GNAZ: variants seen among roughly 807,000 people sequenced by gnomAD.
The protein encoded by GNAZ is G protein subunit alpha z.
Under a neutral mutation model 25.4 loss-of-function variants are expected in GNAZ, and 3 were observed. The ratio of observed to expected loss-of-function variants is 0.12; its 90% confidence interval spans 0.05 to 0.30. The LOEUF (loss-of-function observed/expected upper bound fraction) is 0.30. Ranked by LOEUF, GNAZ falls within the 10% of genes least tolerant of loss-of-function variation. GNAZ has a pLI of 1.00. For missense variants in GNAZ, 241 were observed against 501.8 expected (o/e 0.48, Z 4.97); for synonymous variants, 211 against 205.7 (o/e 1.03, Z -0.22).
rs371867355 is a variant in GNAZ at position 23,075,173 on chromosome 22, ACCTG to A, written c.-450+4609_-450+4612del. On this transcript the variant is annotated intron_variant, in intron 1 of 2. Transcript: ENST00000615612. ...GGAAGGCCTGGAGGGTGGGCCCGCA[ACCTG>A]CCTGCTGCCCAGTCCCCACAGCATT... Among the ~76,000 whole-genome samples the A allele has an allele frequency of 1.1e-4, 16 of 152,174 alleles. No homozygotes were observed. In the East Asian group the frequency reaches 1.9e-3, roughly 18 times the overall value.
At chr22:23,072,295 G>A (rs1305761107) in intron 1 of GNAZ, among the ~76,000 whole-genome samples, 1 of 152,124 alleles carries the variant, frequency 6.6e-6, no homozygotes, top group African/African-American at 2.4e-5. Flanking sequence ...ATCCATCTAC[G>A]GGGTGCAGTG....
chr22:23,104,285 G>A (rs2069394654), intron 2 of GNAZ, among the ~76,000 whole-genome samples: 1 of 152,196 alleles, frequency 6.6e-6, no homozygotes, highest in South Asian at 2.1e-4. Context: ...GTGGCCCAGG[G>A]TGGGTGTCGC....
At chr22:23,082,478 C>T (rs1291969710) in intron 1 of GNAZ, among the ~76,000 whole-genome samples, 1 of 151,680 alleles carries the variant, frequency 6.6e-6, no homozygotes, top group Admixed American at 6.6e-5. Context: ...CTCAGCCTCC[C>T]AAAGTGCTGG....
intron 2 of GNAZ, among the ~76,000 whole-genome samples, chr22:23,108,536 G>A (rs561791126): frequency 6.6e-6 from 1 of 152,374 alleles, no homozygotes; most frequent in African/African-American, 2.4e-5. Context: ...AGGCACTGGA[G>A]GGTTTGCACA....
rs373889564 is a variant in GNAZ, at chr22:23,093,838, A to C, written c.-449-1409A>C. 3.2e-3 allele frequency among the ~76,000 whole-genome samples: 485 copies of C among 152,280 alleles called. 3 individuals are homozygous for C. Among genetic ancestry groups the C allele is most frequent in the African/African-American group, 0.011 (459 of 41,552 alleles). On this transcript the variant is annotated intron_variant, in intron 1 of 2. Coordinates refer to ENST00000615612, the MANE Select transcript of GNAZ (RefSeq NM_002073.4). ...TCAGAGGCTGGCAGGGCTAGGGAGC[A>C]GGTGTGAGAGGCCACCACCACTGCC...
intron 2 of GNAZ, among the ~76,000 whole-genome samples, chr22:23,104,249 C>T (rs535465579): frequency 2.6e-5 from 4 of 152,270 alleles, no homozygotes; most frequent in East Asian, 3.9e-4. Flanking sequence ...AGGGCAAGGT[C>T]GCAGGCACAG....
At chr22:23,085,684 G>A (rs1000643677) in intron 1 of GNAZ, among the ~76,000 whole-genome samples, 4 of 152,156 alleles carry the variant, frequency 2.6e-5, no homozygotes, top group Admixed American at 6.5e-5. Flanking sequence ...CAGTGCCTCC[G>A]CCCTGGTTGT....
At chr22:23,089,460 A>G (rs928084053) in intron 1 of GNAZ, among the ~76,000 whole-genome samples, 1 of 152,144 alleles carries the variant, frequency 6.6e-6, no homozygotes, top group Non-Finnish European at 1.5e-5. Flanking sequence ...TATGCCTAGC[A>G]GCAGGCTGAG....
intron 2 of GNAZ, among the ~76,000 whole-genome samples, chr22:23,102,416 A>G (rs1422954245): frequency 6.6e-6 from 1 of 152,174 alleles, no homozygotes; most frequent in Admixed American, 6.5e-5. Flanking sequence ...CCCAGGGAGG[A>G]TGCAGCCACA....
chr22:23,118,752 G>T (rs885963), intron 2 of GNAZ, among the ~76,000 whole-genome samples: 72,404 of 152,112 alleles, frequency 0.48, 18,102 homozygotes, highest in Middle Eastern at 0.57. Flanking sequence ...ACTACCATGG[G>T]GCAGGGCCAC....
At chr22:23,103,504 G>A (rs1354442661) in intron 2 of GNAZ, among the ~76,000 whole-genome samples, 7 of 152,062 alleles carry the variant, frequency 4.6e-5, no homozygotes, top group South Asian at 2.1e-4. Context: ...CCCTGTGGCC[G>A]CGTGGGTTGC....
chr22:23,120,489 GTTTCC>G (rs899390854), intron 2 of GNAZ, among the ~76,000 whole-genome samples: 1 of 152,154 alleles, frequency 6.6e-6, no homozygotes, highest in African/African-American at 2.4e-5. Context: ...CACGTGAACT[GTTTCC>G]GCATCAGTGA....
chr22:23,087,137 C>T (rs1016695964), intron 1 of GNAZ, among the ~76,000 whole-genome samples: 6 of 152,090 alleles, frequency 3.9e-5, no homozygotes, highest in Non-Finnish European at 7.4e-5. Flanking sequence ...GATGTAGGGA[C>T]GGCGGCTCCA....
chr22:23,071,437 TAGAG>T lies in GNAZ; in HGVS notation c.-450+870_-450+873del, dbSNP rs1303619880. Among the ~76,000 whole-genome samples the T allele has an allele frequency of 6.6e-6, 1 of 152,188 alleles. No homozygotes were observed. The highest frequency in any genetic ancestry group is 6.5e-5 in the Admixed American group (1 of 15,288). ...TGTTGGGGTGGAGGGACCCGCCTGG[TAGAG>T]AGGTCTGTCTTGCTTGGGGAGACAG... On this transcript the variant is annotated intron_variant, in intron 1 of 2. Coordinates refer to ENST00000615612, the MANE Select transcript of GNAZ (RefSeq NM_002073.4). This position sits in a 1 kb window ranked among gnomAD's most constrained non-coding sequence, Gnocchi z 4.1.
chr22:23,077,651 G>T (rs905201277), intron 1 of GNAZ, among the ~76,000 whole-genome samples: 1 of 152,194 alleles, frequency 6.6e-6, no homozygotes, highest in South Asian at 2.1e-4. Context: ...GGCATGTAAA[G>T]TACCAGGCTC....
At chr22:23,077,339 C>T (rs138394338) in intron 1 of GNAZ, among the ~76,000 whole-genome samples, 115 of 152,258 alleles carry the variant, frequency 7.6e-4, no homozygotes, top group African/African-American at 2.2e-3. Flanking sequence ...ATGCCTCACT[C>T]CCTGTAGTGA....
At chr22:23,094,180 G>C (rs144080781) in intron 1 of GNAZ, among the ~76,000 whole-genome samples, 1 of 152,138 alleles carries the variant, frequency 6.6e-6, no homozygotes, top group Admixed American at 6.5e-5. Flanking sequence ...GGATGGGGAG[G>C]CTGCGTGGGT....
intron 1 of GNAZ, among the ~76,000 whole-genome samples, chr22:23,090,159 G>A (rs2068928383): frequency 6.6e-6 from 1 of 152,052 alleles, no homozygotes; most frequent in African/African-American, 2.4e-5. Context: ...AGCACAGCAG[G>A]GTCCTGTACC....
Position 23,124,358 on chromosome 22 carries a change from G to C in GNAZ, c.*927G>C, listed in dbSNP as rs1192631227. 2.3e-6 allele frequency: 1 copy of C among 444,002 alleles called. No individual in the cohort carries two copies. The highest frequency in any genetic ancestry group is 4.7e-6 in the Non-Finnish European group (1 of 211,206). The allele number at this position is 444,002 out of a possible 1,614,324, so 27.5% of individuals were successfully genotyped here. A position where few individuals can be genotyped will look rare whatever the true frequency, so the allele number is the denominator to read the frequency against. On this transcript the variant is annotated 3_prime_UTR_variant, in exon 3 of 3. Transcript: ENST00000615612. ...TGGTCTTTTTTGTGTCTGGCTTGCT[G>C]AGTGTAAAAGTTGTTATCTGGACGA...
Sources: gnomAD v4.1 joint callset for allele counts (sites outside exome capture counted in the v4.1 genomes callset) on GRCh38, gnomAD v4.1.1 for gene constraint, Gnocchi (gnomAD v3.1) non-coding constraint, MANE v1.5 for transcripts, NCBI Gene and HGNC (gene_info 2026-07-23, HGNC 2026-07-21) for gene names.